The following MAU2 variants were observed in gnomAD, a reference collection of about 807,000 sequenced individuals.
The protein encoded by MAU2 is MAU2 chromatid cohesion factor homolog.
Under a neutral mutation model 89.1 loss-of-function variants are expected in MAU2, and 9 were observed. The observed-to-expected ratio is 0.10, with a 90% CI of 0.06 to 0.18. The LOEUF is 0.18. Ranked by LOEUF, MAU2 falls within the 10% of genes least tolerant of loss-of-function variation. MAU2 has a pLI of 1.00. For synonymous variants in MAU2, 357 were observed against 343.4 expected (o/e 1.04, Z -0.44); for missense variants, 425 against 803.5 (o/e 0.53, Z 5.69).
intron 1 of MAU2, among the ~76,000 whole-genome samples, chr19:19,330,349 C>G (rs2061545974): frequency 6.6e-6 from 1 of 151,870 alleles, no homozygotes; most frequent in Admixed American, 6.6e-5. Flanking sequence ...AATCCCGGCA[C>G]TTTGGGAGGC....
chr19:19,334,471 C>T, intron 1 of MAU2: 2 of 985,924 alleles, frequency 2.0e-6, no homozygotes, highest in Non-Finnish European at 1.2e-6. Context: ...GCTGCTCACC[C>T]TTGCCCTAGA....
intron 16 of MAU2, chr19:19,354,057 G>A (rs746337445): frequency 6.7e-6 from 3 of 449,458 alleles, no homozygotes; most frequent in Non-Finnish European, 1.2e-5. Context: ...TAGGGCTAAC[G>A]GCCATCAGTG....
intron 16 of MAU2, among the ~76,000 whole-genome samples, chr19:19,350,507 G>C (rs1568666980): frequency 6.6e-6 from 1 of 151,850 alleles, no homozygotes; most frequent in Non-Finnish European, 1.5e-5. Context: ...TGGAGGCTGA[G>C]ACAGGAGAAT....
chr19:19,324,694 C>G (rs1481884316), intron 1 of MAU2, among the ~76,000 whole-genome samples: 1 of 152,210 alleles, frequency 6.6e-6, no homozygotes, highest in African/African-American at 2.4e-5. Flanking sequence ...TCAAATGGAA[C>G]TTTGAATCTT....
chr19:19,336,068 T>C (rs2061594056), intron 2 of MAU2, 54 bp from the exon 3 acceptor site: 2 of 1,395,860 alleles, frequency 1.4e-6, no homozygotes, highest in Non-Finnish European at 2.0e-6. Context: ...GCTGTGGCCC[T>C]TTCAAACCGA....
chr19:19,326,401 AT>A (rs950484871), intron 1 of MAU2, among the ~76,000 whole-genome samples: 2 of 151,714 alleles, frequency 1.3e-5, no homozygotes, highest in Non-Finnish European at 2.9e-5. Flanking sequence ...AGAAAAAAAA[AT>A]ATAGCCGGGC....
Position 19,337,182 on chromosome 19 carries a change from G to T in MAU2, c.373G>T (p.Ala125Ser), listed in dbSNP as rs200147278. The change falls in exon 4 of 19, where the codon GCA becomes TCA. Residue 125 changes from alanine (A) to serine (S), a missense_variant. Physicochemically the swap from Ala to Ser is moderately conservative, Grantham distance 99. Around this residue, in one of 11 missense-constraint regions of MAU2, gnomAD observed 119 missense variants for 299.8 expected, o/e 0.40. Coordinates refer to ENST00000262815, the MANE Select transcript of MAU2 (RefSeq NM_015329.4). ...TATTTCCTTTCAGAATTCCGTTGAT[G>T]CAGCAAAGCCGCTGCTGCGGAAGGC... The part of the protein sequence containing the change: ...ELYCQENSVD[A>S]AKPLLRKAIQ... The T allele has an allele frequency of 1.2e-4, 191 of 1,610,362 alleles. No individual in the cohort carries two copies. Among genetic ancestry groups the T allele is most frequent in the Middle Eastern group, 1.6e-4 (1 of 6,082 alleles).
At chr19:19,347,874 G>A (rs1308997584) in intron 13 of MAU2, 1 of 152,918 alleles carries the variant, frequency 6.5e-6, no homozygotes, top group African/African-American at 2.4e-5. Context: ...TTAGCCCTGG[G>A]ATCCCCACTC....
intron 16 of MAU2, among the ~76,000 whole-genome samples, chr19:19,350,717 G>A (rs370515952): frequency 1.5e-4 from 23 of 151,866 alleles, no homozygotes; most frequent in South Asian, 6.2e-4. Context: ...TGGCTAACAC[G>A]GTGAAACCCC....
intron 17 of MAU2, 23 bp from the exon 18 acceptor site, chr19:19,355,241 C>T (rs1307714069): frequency 1.9e-6 from 3 of 1,613,338 alleles, no homozygotes; most frequent in African/African-American, 2.7e-5. Context: ...AGGCGGGCCC[C>T]CATGCTCATG....
At chr19:19,328,612 G>C (rs569090091) in intron 1 of MAU2, among the ~76,000 whole-genome samples, 1 of 151,910 alleles carries the variant, frequency 6.6e-6, no homozygotes, top group African/African-American at 2.4e-5. Context: ...TAGTAGAGAC[G>C]GGGTTTCACC....
At chr19:19,336,246 C>A (rs572589277) in intron 3 of MAU2, 59 bp downstream of exon 3, 3 of 1,292,598 alleles carry the variant, frequency 2.3e-6, no homozygotes, top group Non-Finnish European at 3.3e-6. Context: ...TAAGACATGA[C>A]AGCACATTGG....
chr19:19,334,117 G>A (rs781084010), intron 1 of MAU2: 2 of 969,658 alleles, frequency 2.1e-6, no homozygotes, highest in South Asian at 9.5e-5. Flanking sequence ...GTGGAAAAAA[G>A]CCCCCAACTT....
intron 14 of MAU2, 77 bp from the exon 15 acceptor site, chr19:19,349,078 C>G (rs963916030): frequency 9.5e-6 from 15 of 1,575,848 alleles, no homozygotes; most frequent in Non-Finnish European, 1.2e-5. Flanking sequence ...CAGAAATAGC[C>G]CCCAGCTGCC....
intron 10 of MAU2, 25 bp from the exon 11 acceptor site, chr19:19,344,824 A>G: frequency 1.2e-6 from 2 of 1,604,500 alleles, no homozygotes; most frequent in African/African-American, 1.3e-5. Context: ...CAGTCCTGTG[A>G]TGGCAGTACA....
chr19:19,351,113 G>C (rs921237023), intron 16 of MAU2, among the ~76,000 whole-genome samples: 2 of 151,880 alleles, frequency 1.3e-5, no homozygotes, highest in Non-Finnish European at 2.9e-5. Flanking sequence ...CATGATCTCA[G>C]CTCAGCTCGT....
chr19:19,331,688 G>A (rs549862220), intron 1 of MAU2, among the ~76,000 whole-genome samples: 1 of 151,956 alleles, frequency 6.6e-6, no homozygotes, highest in South Asian at 2.1e-4. Context: ...GATCACCTGA[G>A]CCCAGGAGTT....
chr19:19,332,736 G>A (rs934091468), intron 1 of MAU2, among the ~76,000 whole-genome samples: 2 of 152,274 alleles, frequency 1.3e-5, no homozygotes, highest in African/African-American at 2.4e-5. Context: ...GGACGGAGCT[G>A]GCAGAGAGGC....
intron 10 of MAU2, 93 bp downstream of exon 10, chr19:19,344,033 G>A (rs2061673987): frequency 2.0e-6 from 2 of 1,004,552 alleles, no homozygotes; most frequent in Non-Finnish European, 3.1e-6. Context: ...AGTGCATACT[G>A]GCAGGCCAGC....
Sources: gnomAD v4.1 joint callset for allele counts (sites outside exome capture counted in the v4.1 genomes callset) on GRCh38, gnomAD v4.1.1 for gene constraint, gnomAD v4.1.1 regional missense constraint, MANE v1.5 for transcripts, NCBI Gene and HGNC (gene_info 2026-07-23, HGNC 2026-07-21) for gene names.